The following PPARGC1A variants were observed in gnomAD, a reference collection of about 807,000 sequenced individuals.
The protein encoded by PPARGC1A is PPARG coactivator 1 alpha, also known as peroxisome proliferator-activated receptor gamma coactivator 1-alpha.
PPARGC1A carries 25 observed loss-of-function variants against 88.7 expected under a neutral mutation model. The observed-to-expected ratio is 0.28, with a 90% CI of 0.21 to 0.39. The LOEUF (loss-of-function observed/expected upper bound fraction) is 0.39. Ranked by LOEUF, PPARGC1A falls within the 10% of genes least tolerant of loss-of-function variation. The pLI is 1.00. For missense variants in PPARGC1A, 880 were observed against 968.7 expected (o/e 0.91, Z 1.22); for synonymous variants, 363 against 355.6 (o/e 1.02, Z -0.24).
chr4:24,327,717 G>A, the PPARGC1A span, among the ~76,000 whole-genome samples: 2 of 151,888 alleles, frequency 1.3e-5, no homozygotes, highest in African/African-American at 4.8e-5. Flanking sequence ...GCAGCCCTGA[G>A]AAACATCACC....
chr4:24,440,682 G>C, the PPARGC1A span, among the ~76,000 whole-genome samples: 1 of 152,054 alleles, frequency 6.6e-6, no homozygotes, highest in Non-Finnish European at 1.5e-5. Context: ...CATGCCTGTA[G>C]TCCCAGTTAC....
the PPARGC1A span, among the ~76,000 whole-genome samples, chr4:24,070,017 G>A: frequency 6.6e-6 from 1 of 152,178 alleles, no homozygotes; most frequent in African/African-American, 2.4e-5. Flanking sequence ...TTCCCTGAGT[G>A]TCACTTTGCC....
the PPARGC1A span, among the ~76,000 whole-genome samples, chr4:24,353,948 A>G: frequency 6.6e-6 from 1 of 152,224 alleles, no homozygotes; most frequent in African/African-American, 2.4e-5. Flanking sequence ...GGAACAAATT[A>G]TCACAAATTT....
intron 2 of PPARGC1A, among the ~76,000 whole-genome samples, chr4:23,832,181 T>C (rs1473241398): frequency 6.6e-6 from 1 of 152,162 alleles, no homozygotes; most frequent in African/African-American, 2.4e-5. Context: ...CCCCCCAAAC[T>C]GTCTAGACAG....
the PPARGC1A span, among the ~76,000 whole-genome samples, chr4:24,377,065 C>G: frequency 6.6e-6 from 1 of 151,502 alleles, no homozygotes; most frequent in Non-Finnish European, 1.5e-5. Context: ...TAATTCTGTA[C>G]TGCAAAGCCA....
chr4:24,090,372 C>T, the PPARGC1A span, among the ~76,000 whole-genome samples: 1 of 152,130 alleles, frequency 6.6e-6, no homozygotes, highest in Non-Finnish European at 1.5e-5. Context: ...TCTGAAGCTC[C>T]TTACTTAACA....
chr4:24,440,826 A>G, the PPARGC1A span, among the ~76,000 whole-genome samples: 2 of 152,142 alleles, frequency 1.3e-5, no homozygotes, highest in African/African-American at 4.8e-5. Flanking sequence ...ACAAACAAAA[A>G]AAAACAACTC....
At chr4:23,944,347 C>T in the PPARGC1A span, among the ~76,000 whole-genome samples, 1 of 152,134 alleles carries the variant, frequency 6.6e-6, no homozygotes, top group South Asian at 2.1e-4. Flanking sequence ...ACTCTGTCCT[C>T]CAAAGCACCC....
upstream of PPARGC1A, among the ~76,000 whole-genome samples, chr4:23,891,749 A>G (rs1381664931): frequency 2.0e-5 from 3 of 152,220 alleles, no homozygotes; most frequent in Admixed American, 1.3e-4. Context: ...CCTTTTATAA[A>G]CAGCAGAAAA....
the PPARGC1A span, among the ~76,000 whole-genome samples, chr4:23,937,414 C>G: frequency 6.6e-6 from 1 of 152,070 alleles, no homozygotes; most frequent in African/African-American, 2.4e-5. Context: ...TAAAACTTGG[C>G]ACTAAGCCAG....
the PPARGC1A span, among the ~76,000 whole-genome samples, chr4:24,154,976 G>A: frequency 6.6e-6 from 1 of 152,040 alleles, no homozygotes; most frequent in African/African-American, 2.4e-5. Flanking sequence ...GATGGGAAAG[G>A]GTCTTCCAGT....
the PPARGC1A span, among the ~76,000 whole-genome samples, chr4:24,406,914 G>A: frequency 2.5e-3 from 387 of 152,328 alleles, 1 homozygote; most frequent in African/African-American, 8.5e-3. Flanking sequence ...AAAGGGAATT[G>A]TTCCTGCTAC....
the PPARGC1A span, among the ~76,000 whole-genome samples, chr4:24,171,382 GT>G: frequency 6.6e-6 from 1 of 151,640 alleles, no homozygotes; most frequent in Non-Finnish European, 1.5e-5. Context: ...CTCCAGCCTG[GT>G]AACAGAGCGA....
At chr4:24,125,738 G>C in the PPARGC1A span, among the ~76,000 whole-genome samples, 1 of 152,156 alleles carries the variant, frequency 6.6e-6, no homozygotes, top group East Asian at 1.9e-4. Context: ...GAAAGAGAGA[G>C]ACCTCATACC....
chr4:24,285,887 A>C, the PPARGC1A span, among the ~76,000 whole-genome samples: 1 of 152,192 alleles, frequency 6.6e-6, no homozygotes, highest in East Asian at 1.9e-4. Flanking sequence ...TCTCTTCTAG[A>C]AGGCTATGGC....
chr4:24,206,649 T>C, the PPARGC1A span, among the ~76,000 whole-genome samples: 3 of 151,912 alleles, frequency 2.0e-5, no homozygotes, highest in African/African-American at 7.3e-5. Flanking sequence ...CTGGCCAACA[T>C]GGTGAAACTC....
the PPARGC1A span, among the ~76,000 whole-genome samples, chr4:24,160,570 A>T: frequency 2.0e-5 from 3 of 152,106 alleles, no homozygotes; most frequent in Non-Finnish European, 4.4e-5. Context: ...AATGCTTTCT[A>T]AATTAGGTCA....
the PPARGC1A span, among the ~76,000 whole-genome samples, chr4:24,224,450 GA>G: frequency 6.6e-6 from 1 of 152,164 alleles, no homozygotes. Context: ...CTTGTTAAAG[GA>G]ATAAATAAGT....
At chr4:24,332,915 A>C in the PPARGC1A span, among the ~76,000 whole-genome samples, 2 of 152,248 alleles carry the variant, frequency 1.3e-5, no homozygotes, top group Non-Finnish European at 2.9e-5. Flanking sequence ...TAGTGAGTCT[A>C]AGATGGAAGA....
Sources: allele counts gnomAD v4.1 joint callset (sites outside exome capture counted in the v4.1 genomes callset), GRCh38; gene constraint gnomAD v4.1.1; transcripts MANE v1.5; gene names NCBI Gene and HGNC (gene_info 2026-07-23, HGNC 2026-07-21).